The following PCDHGA6 variants were observed in gnomAD, a reference collection of about 807,000 sequenced individuals.
PCDHGA6 encodes the protein protocadherin gamma-A6.
Under a neutral mutation model 60.6 loss-of-function variants are expected in PCDHGA6, and 41 were observed. The ratio of observed to expected loss-of-function variants is 0.68; its 90% confidence interval spans 0.53 to 0.88. PCDHGA6 has a LOEUF of 0.88. PCDHGA6 is among the 40% of genes least tolerant of loss of function. The pLI is 0.00. For missense variants in PCDHGA6, 1,312 were observed against 1,203.0 expected (o/e 1.09, Z -1.34); for synonymous variants, 594 against 524.4 (o/e 1.13, Z -1.81).
chr5:141,401,672 T>A (rs1468956975), intron 1 of PCDHGA6, among the ~76,000 whole-genome samples: 1 of 152,222 alleles, frequency 6.6e-6, no homozygotes, highest in African/African-American at 2.4e-5. Context: ...CTCAACATCC[T>A]TGTAGGATGG....
chr5:141,421,960 CA>C, intron 1 of PCDHGA6: 1 of 1,612,526 alleles, frequency 6.2e-7, no homozygotes, highest in Admixed American at 1.7e-5. Flanking sequence ...AATGTTTACA[CA>C]GTCCGTATAT....
intron 1 of PCDHGA6, chr5:141,415,325 C>G: frequency 6.2e-7 from 1 of 1,614,212 alleles, no homozygotes; most frequent in Non-Finnish European, 8.5e-7. Flanking sequence ...GTGCTGCTGG[C>G]GCACAGGCTG....
At chr5:141,416,497 T>G (rs1426816820) in intron 1 of PCDHGA6, 3 of 152,116 alleles carry the variant, frequency 2.0e-5, no homozygotes, top group Non-Finnish European at 4.4e-5. Context: ...GAGCAAGAGA[T>G]ATATGACAAA....
intron 1 of PCDHGA6, chr5:141,475,966 A>T (rs1252698069): frequency 2.3e-6 from 2 of 888,664 alleles, no homozygotes; most frequent in Admixed American, 5.2e-5. Flanking sequence ...GGGATGAGGC[A>T]GAGACTGAAC....
intron 1 of PCDHGA6, among the ~76,000 whole-genome samples, chr5:141,481,620 C>G (rs1449979532): frequency 6.6e-6 from 1 of 152,112 alleles, no homozygotes; most frequent in African/African-American, 2.4e-5. Context: ...GAGTTCAAGA[C>G]CGGCCTGGCC....
rs922042985 is a variant in PCDHGA6, at chr5:141,415,768, T to G, written c.2424+39261T>G. 1.6e-5 allele frequency: 22 copies of G among 1,345,224 alleles called. No homozygotes were observed. The African/African-American group carries it at 3.6e-4, about 22-fold the overall frequency. The allele number at this position is 1,345,224 out of a possible 1,614,324, so 83.3% of individuals were successfully genotyped here. ...TTTTTTTTTTTTTTTTTTTTTTTTT[T>G]TTTTACTTTCTGGTAAAATTCACCT... is the stretch of plus-strand genomic sequence containing the variant. On this transcript the variant is annotated intron_variant, in intron 1 of 3. Coordinates refer to ENST00000517434, the MANE Select transcript of PCDHGA6 (RefSeq NM_018919.3).
rs142995927 is a variant in PCDHGA6, at chr5:141,489,933, C to T, written c.2425-4874C>T. 38 of 1,614,064 alleles carry T rather than the reference C, an allele frequency of 2.4e-5. No homozygotes were observed. The highest frequency in any genetic ancestry group is 1.8e-4 in the South Asian group (16 of 91,084). On this transcript the variant is annotated intron_variant, in intron 1 of 3. Transcript: ENST00000517434. This position sits in a 1 kb window ranked among gnomAD's most constrained non-coding sequence, Gnocchi z 4.5. ...CAGGGACCACCCTTATCTCTGTCAT[C>T]GTGCTGGACATCAATGATAATGCTC...
Position 141,490,602 on chromosome 5 carries a change from C to G in PCDHGA6, c.2425-4205C>G, listed in dbSNP as rs1249440194. On this transcript the variant is annotated intron_variant, in intron 1 of 3. Transcript: ENST00000517434. This position sits in a 1 kb window ranked among gnomAD's most constrained non-coding sequence, Gnocchi z 5.4. Reference sequence around the variant, plus strand: ...ATGTCAATGACAATGCACCCCGCTTCAACCAGCAGCTTTACACTGCTTACA... The same window carrying G: ...ATGTCAATGACAATGCACCCCGCTTGAACCAGCAGCTTTACACTGCTTACA... The G allele has an allele frequency of 6.2e-7, 1 of 1,614,084 alleles. No individual in the cohort carries two copies. Among genetic ancestry groups the G allele is most frequent in the African/African-American group, 1.3e-5 (1 of 74,930 alleles).
chr5:141,468,330 CAA>C lies in PCDHGA6; in HGVS notation c.2425-26459_2425-26458del, dbSNP rs533390277. 202 of 79,822 alleles carry C rather than the reference CAA, an allele frequency of 2.5e-3. 2 individuals are homozygous for C. The highest frequency in any genetic ancestry group is 7.9e-3 in the Middle Eastern group (1 of 126). The allele number at this position is 79,822 out of a possible 1,614,324, so 4.9% of individuals were successfully genotyped here. Reference sequence around the variant, plus strand: ...ACAAGAGCAACGGTAAACTCCATCTCAAAAAAAAAAAAAAAAAAAGAAAGAAA... The same window carrying C: ...ACAAGAGCAACGGTAAACTCCATCTCAAAAAAAAAAAAAAAAAGAAAGAAA... On this transcript the variant is annotated intron_variant, in intron 1 of 3. Transcript: ENST00000517434.
chr5:141,478,847 AAC>A (rs2099480409), intron 1 of PCDHGA6: 1 of 1,389,782 alleles, frequency 7.2e-7, no homozygotes, highest in South Asian at 1.5e-5. Context: ...GTTAAGCTAA[AAC>A]ACAAGATCTC....
At chr5:141,389,823 G>A in intron 1 of PCDHGA6, 3 of 1,613,944 alleles carry the variant, frequency 1.9e-6, no homozygotes, top group Non-Finnish European at 2.5e-6. Context: ...CGTGCGTGAC[G>A]GTGGACAGCC....
intron 2 of PCDHGA6, among the ~76,000 whole-genome samples, chr5:141,502,576 T>C (rs1226513508): frequency 6.6e-6 from 1 of 152,168 alleles, no homozygotes; most frequent in African/African-American, 2.4e-5. Flanking sequence ...ATTATAAAAA[T>C]ATATTTTTAT....
At chr5:141,426,021 A>G (rs1590662256) in intron 1 of PCDHGA6, among the ~76,000 whole-genome samples, 2 of 152,312 alleles carry the variant, frequency 1.3e-5, no homozygotes, top group East Asian at 3.9e-4. Context: ...AGTTTTCTAA[A>G]TAGACTCAGA....
rs754384717 is a variant in PCDHGA6 at position 141,385,373 on chromosome 5, T to C, written c.2424+8866T>C. The C allele has an allele frequency of 3.9e-6, 6 of 1,529,356 alleles. No individual in the cohort carries two copies. The East Asian group carries it at 1.4e-4, about 35-fold the overall frequency. 94.7% of individuals were successfully genotyped at this position (1,529,356 alleles called of 1,614,324 possible). ...CCATGAGGAATTTATTTGCATGATA[T>C]TTCTCTATTATTTTGCAAAACAAAT... On this transcript the variant is annotated intron_variant, in intron 1 of 3. Coordinates refer to ENST00000517434, the MANE Select transcript of PCDHGA6 (RefSeq NM_018919.3).
intron 1 of PCDHGA6, among the ~76,000 whole-genome samples, chr5:141,430,411 C>T (rs879587751): frequency 3.3e-5 from 5 of 150,942 alleles, no homozygotes; most frequent in African/African-American, 1.2e-4. Flanking sequence ...ACTAAAGTTT[C>T]TATTAAAGCG....
At position 141,511,148 on chromosome 5, in the gene PCDHGA6, A is replaced by C; in HGVS notation, c.2774A>C (p.Lys925Thr). Residue 925 changes from lysine to threonine, a missense_variant, in exon 4 of 4, where the codon AAG (lysine) becomes ACG (threonine). Coordinates refer to ENST00000517434, the MANE Select transcript of PCDHGA6 (RefSeq NM_018919.3). ...APAGGNGNKKKSGKKEKK is the reference protein window; with the variant it reads ...APAGGNGNKKTSGKKEKK ...GCAGGTGGCAATGGCAACAAGAAGA[A>C]GTCGGGCAAGAAGGAGAAGAAGTAA... is the stretch of plus-strand genomic sequence containing the variant. The C allele has an allele frequency of 6.2e-7, 1 of 1,614,202 alleles. No individual in the cohort carries two copies. Among genetic ancestry groups the C allele is most frequent in the East Asian group, 2.2e-5 (1 of 44,882 alleles).
At chr5:141,464,916 T>C (rs1298310554) in intron 1 of PCDHGA6, among the ~76,000 whole-genome samples, 1 of 152,024 alleles carries the variant, frequency 6.6e-6, no homozygotes, top group Non-Finnish European at 1.5e-5. Flanking sequence ...TTTTTTTATT[T>C]TTTTGTAGAG....
At chr5:141,378,598 G>C (rs1374032317) in intron 1 of PCDHGA6, 4 of 152,136 alleles carry the variant, frequency 2.6e-5, no homozygotes, top group Admixed American at 6.5e-5. Context: ...TCTGCTTACA[G>C]GACATATCTC....
Position 141,487,910 on chromosome 5 carries a change from C to T in PCDHGA6, c.2425-6897C>T, listed in dbSNP as rs2099668803. The T allele has an allele frequency of 3.0e-6, 2 of 661,468 alleles. No individual in the cohort carries two copies. Among genetic ancestry groups the T allele is most frequent in the Non-Finnish European group, 5.1e-6 (2 of 388,904 alleles). The allele number at this position is 661,468 out of a possible 1,614,324, so 41.0% of individuals were successfully genotyped here. ...AGCATGATGATGGAATGTGGGAGCA[C>T]AGGAGGCTACAGTGCACAGGGTACA... On this transcript the variant is annotated intron_variant, in intron 1 of 3. Transcript: ENST00000517434. The surrounding 1 kb of genome is among the most constrained non-coding windows in gnomAD (Gnocchi z 5.0).
Sources: allele counts gnomAD v4.1 joint callset (sites outside exome capture counted in the v4.1 genomes callset), GRCh38; gene constraint gnomAD v4.1.1; non-coding constraint Gnocchi (gnomAD v3.1); transcripts MANE v1.5; gene names NCBI Gene and HGNC (gene_info 2026-07-23, HGNC 2026-07-21).